The following CCDC81 variants were observed in gnomAD, a reference collection of about 807,000 sequenced individuals.
CCDC81 encodes the protein coiled-coil domain-containing protein 81.
Under a neutral mutation model 83.7 loss-of-function variants are expected in CCDC81, and 79 were observed. The observed-to-expected ratio is 0.94, with a 90% CI of 0.79 to 1.14. CCDC81 has a LOEUF of 1.14. Among genes scored for constraint, CCDC81 ranks in the 50% most tolerant of loss-of-function variants. The probability of loss-of-function intolerance (pLI) is 0.00; values close to 1 mark genes in which losing one functional copy is unlikely to be tolerated. For synonymous variants in CCDC81, 252 were observed against 278.1 expected, an observed-to-expected ratio of 0.91 and a Z score of 0.93; for missense variants, 791 against 778.1, an observed-to-expected ratio of 1.02 and a Z score of -0.20.
Position 86,387,778 on chromosome 11 carries a change from A to T in CCDC81, c.298+106A>T, listed in dbSNP as rs180790939. 45 of 781,986 alleles carry T rather than the reference A, an allele frequency of 5.8e-5. No individual in the cohort carries two copies. In the East Asian group the frequency reaches 1.2e-3, roughly 21 times the overall value. 48.4% of individuals were successfully genotyped at this position (781,986 alleles called of 1,614,324 possible). A position where few individuals can be genotyped will look rare whatever the true frequency, so the allele number is the denominator to read the frequency against. Reference sequence around the variant, plus strand: ...TGCTGCTGTCTTACCTTCTTATTTGAGGAACTCACTTTTCACAAGGTGCTT... The same window carrying T: ...TGCTGCTGTCTTACCTTCTTATTTGTGGAACTCACTTTTCACAAGGTGCTT... On this transcript the variant is annotated intron_variant, in intron 3 of 14. Coordinates refer to ENST00000445632, the MANE Select transcript of CCDC81 (RefSeq NM_001156474.2).
Position 86,410,816 on chromosome 11 carries a change from T to C in CCDC81, c.1218+1451T>C, listed in dbSNP as rs538431527. On this transcript the variant is annotated intron_variant, in intron 10 of 14. Transcript: ENST00000445632. The stretch of plus-strand genomic sequence containing the variant: ...TGCACAAACCTGTATTTAGTCATGA[T>C]CACAATATTCCTTTCTCTGTTCCTG... Among the ~76,000 whole-genome samples, 7 of 152,326 alleles carry C rather than the reference T, an allele frequency of 4.6e-5. No homozygotes were observed. In the South Asian group the frequency reaches 1.5e-3, roughly 32 times the overall value.
chr11:86,397,875 G>A, intron 6 of CCDC81, 133 bp downstream of exon 6: 1 of 1,020,776 alleles, frequency 9.8e-7, no homozygotes, highest in South Asian at 2.2e-5. Flanking sequence ...TTTTTGAGAT[G>A]GAGTCTCGCT....
intron 1 of CCDC81, among the ~76,000 whole-genome samples, chr11:86,383,491 A>C (rs1948200092): frequency 6.6e-6 from 1 of 152,202 alleles, no homozygotes; most frequent in Non-Finnish European, 1.5e-5. Flanking sequence ...ACGGTGTTTA[A>C]ACATATGGTT....
intron 5 of CCDC81, 41 bp from the exon 6 acceptor site, chr11:86,397,580 C>A: frequency 6.3e-7 from 1 of 1,581,408 alleles, no homozygotes; most frequent in South Asian, 1.2e-5. Context: ...GTTACCTGTT[C>A]AGGTTCAGTG....
intron 13 of CCDC81, 130 bp downstream of exon 13, chr11:86,415,443 A>G (rs1162730233): frequency 1.4e-6 from 1 of 692,818 alleles, no homozygotes. Context: ...AATAATAGCT[A>G]ACACACTGAG....
At position 86,408,359 on chromosome 11, in the gene CCDC81, G is replaced by C. The variant is rs529341073; in HGVS notation, c.1113+89G>C. On this transcript the variant is annotated intron_variant, in intron 9 of 14. Transcript: ENST00000445632. ...TATTATTATTTTTTATTGGCGCAGG[G>C]TCTCACTCTGTCACCCAGGTTGGAA... 15 of 1,220,148 alleles carry C rather than the reference G, an allele frequency of 1.2e-5. No homozygotes were observed. The East Asian group carries it at 3.9e-4, about 32-fold the overall frequency. 75.6% of individuals were successfully genotyped at this position (1,220,148 alleles called of 1,614,324 possible).
rs144365306 is a variant in CCDC81 at position 86,422,701 on chromosome 11, C to A, written c.1945C>A (p.Arg649=). The change falls in exon 15 of 15, where the codon CGG becomes AGG. Residue 649 remains arginine (R), a synonymous_variant. Transcript: ENST00000445632. The part of the protein sequence containing the change: ...WPLNKFLPGS[R]LLV Reference sequence around the variant, plus strand: ...CCTGAACAAGTTCCTGCCTGGCTCCCGGTTGCTTGTGTAAAACTCAAAGTT... The same window carrying A: ...CCTGAACAAGTTCCTGCCTGGCTCCAGGTTGCTTGTGTAAAACTCAAAGTT... 6.2e-7 allele frequency: 1 copy of A among 1,613,512 alleles called. No homozygotes were observed. The highest frequency in any genetic ancestry group is 8.5e-7 in the Non-Finnish European group (1 of 1,179,560).
chr11:86,407,622 A>AT lies in CCDC81; in HGVS notation c.891dup (p.Pro298SerfsTer9). ...TTGCATTGTTTTTATAGCTTATCAT[A>AT]TCCAAGTTGTCTGAAACACGACAGT... On this transcript the variant is annotated frameshift_variant, in exon 8 of 15. Transcript: ENST00000445632. LOFTEE classifies it high-confidence loss of function. 6.2e-7 allele frequency: 1 copy of AT among 1,611,312 alleles called. No homozygotes were observed. The highest frequency in any genetic ancestry group is 8.5e-7 in the Non-Finnish European group (1 of 1,177,830).
chr11:86,376,026 T>A (rs960723858), intron 1 of CCDC81, among the ~76,000 whole-genome samples: 6 of 152,374 alleles, frequency 3.9e-5, no homozygotes, highest in South Asian at 2.1e-4. Context: ...AGATAATGGC[T>A]TAATGAATTT....
chr11:86,421,556 CGCCTCGGCCTCCCAAAGT>C (rs1443794801), intron 14 of CCDC81, among the ~76,000 whole-genome samples: 2 of 152,168 alleles, frequency 1.3e-5, no homozygotes, highest in African/African-American at 4.8e-5. Flanking sequence ...GCAATCCGCC[CGCCTCGGCCTCCCAAAGT>C]GCTGGGATTA....
At chr11:86,385,141 A>G (rs1359605079) in intron 1 of CCDC81, among the ~76,000 whole-genome samples, 3 of 152,222 alleles carry the variant, frequency 2.0e-5, no homozygotes, top group African/African-American at 7.2e-5. Flanking sequence ...TAATCCCAGC[A>G]CTTTGGGAGG....
At chr11:86,381,362 C>T (rs1948174551) in intron 1 of CCDC81, among the ~76,000 whole-genome samples, 1 of 152,132 alleles carries the variant, frequency 6.6e-6, no homozygotes, top group African/African-American at 2.4e-5. Context: ...TTCTTCCTCC[C>T]ACCTGAAGCA....
intron 13 of CCDC81, chr11:86,418,962 G>A (rs1948755101): frequency 6.6e-6 from 1 of 152,168 alleles, no homozygotes; most frequent in Admixed American, 6.5e-5. Context: ...TTACATGATA[G>A]GCACTGGCAC....
chr11:86,377,820 T>C (rs925565181), intron 1 of CCDC81, among the ~76,000 whole-genome samples: 1 of 152,142 alleles, frequency 6.6e-6, no homozygotes, highest in African/African-American at 2.4e-5. Flanking sequence ...TTTGGTGTTT[T>C]ATCTAAAAAG....
intron 7 of CCDC81, among the ~76,000 whole-genome samples, chr11:86,401,557 G>C (rs776973148): frequency 6.6e-6 from 1 of 152,130 alleles, no homozygotes; most frequent in Non-Finnish European, 1.5e-5. Context: ...AAAGATAATT[G>C]AGAATTAGAT....
intron 4 of CCDC81, among the ~76,000 whole-genome samples, chr11:86,393,558 A>G (rs1341278279): frequency 6.6e-6 from 1 of 152,172 alleles, no homozygotes; most frequent in Non-Finnish European, 1.5e-5. Flanking sequence ...TGGTTCTACT[A>G]TTTTATTTTT....
chr11:86,380,915 C>T (rs1456095344), intron 1 of CCDC81, among the ~76,000 whole-genome samples: 1 of 152,212 alleles, frequency 6.6e-6, no homozygotes, highest in East Asian at 1.9e-4. Flanking sequence ...GTTCCAACAT[C>T]CCTGCCATGT....
intron 3 of CCDC81, among the ~76,000 whole-genome samples, chr11:86,389,658 C>G (rs1385349143): frequency 1.3e-5 from 2 of 152,096 alleles, no homozygotes; most frequent in Non-Finnish European, 2.9e-5. Flanking sequence ...CTCCCATGAC[C>G]CAATCACCTC....
chr11:86,407,795 A>G (rs1322353019), intron 8 of CCDC81, 94 bp downstream of exon 8: 1 of 946,644 alleles, frequency 1.1e-6, no homozygotes, highest in Non-Finnish European at 1.7e-6. Flanking sequence ...CCTTAATTAT[A>G]TGAGTATGGC....
Sources: allele counts gnomAD v4.1 joint callset (sites outside exome capture counted in the v4.1 genomes callset), GRCh38; gene constraint gnomAD v4.1.1; transcripts MANE v1.5; gene names NCBI Gene and HGNC (gene_info 2026-07-23, HGNC 2026-07-21).